Variants in CCDC7 observed in about 807,000 individuals in gnomAD.
CCDC7 encodes the protein coiled-coil domain-containing protein 7.
Under a neutral mutation model 196.9 loss-of-function variants are expected in CCDC7, and 183 were observed. That is an observed-to-expected ratio of 0.93 (90% CI 0.82 to 1.05). The LOEUF (loss-of-function observed/expected upper bound fraction) is 1.05, where lower values mean the gene tolerates loss of function less well. Among genes scored for constraint, CCDC7 ranks in the 50% least tolerant of loss-of-function variants. CCDC7 has a pLI of 0.00. For missense variants in CCDC7, 1,540 were observed against 1,482.2 expected (o/e 1.04, Z -0.64); for synonymous variants, 525 against 484.6 (o/e 1.08, Z -1.10).
At chr10:32,668,668 T>C (rs933686247) in intron 21 of CCDC7, among the ~76,000 whole-genome samples, 1 of 152,140 alleles carries the variant, frequency 6.6e-6, no homozygotes, top group African/African-American at 2.4e-5. Context: ...TATGCTGGAT[T>C]ACATTTATTG....
chr10:32,650,501 T>A (rs2068555019), intron 20 of CCDC7, among the ~76,000 whole-genome samples: 1 of 152,160 alleles, frequency 6.6e-6, no homozygotes, highest in African/African-American at 2.4e-5. Flanking sequence ...TTTGTTGTGG[T>A]GATGGTGGTT....
At chr10:32,812,405 A>G (rs2087358237) in intron 30 of CCDC7, among the ~76,000 whole-genome samples, 1 of 152,104 alleles carries the variant, frequency 6.6e-6, no homozygotes, top group Admixed American at 6.5e-5. Flanking sequence ...AACAACAACT[A>G]TAACCATGTC....
At chr10:32,687,867 A>T (rs1460600669) in intron 22 of CCDC7, among the ~76,000 whole-genome samples, 2 of 152,158 alleles carry the variant, frequency 1.3e-5, no homozygotes, top group Admixed American at 6.5e-5. Flanking sequence ...TTTTGACTCT[A>T]GTGGGGCTGT....
At chr10:32,841,596 A>G (rs1299867333) in intron 33 of CCDC7, among the ~76,000 whole-genome samples, 1 of 152,122 alleles carries the variant, frequency 6.6e-6, no homozygotes, top group Non-Finnish European at 1.5e-5. Flanking sequence ...CATTCTTCAC[A>G]GAACTAGAAA....
chr10:32,808,176 C>T (rs148810816), intron 30 of CCDC7, among the ~76,000 whole-genome samples: 1 of 152,320 alleles, frequency 6.6e-6, no homozygotes, highest in South Asian at 2.1e-4. Context: ...CCTGCCAAAG[C>T]ATGTGCCCAT....
chr10:32,637,385 C>G (rs961437607), intron 20 of CCDC7, among the ~76,000 whole-genome samples: 24 of 152,252 alleles, frequency 1.6e-4, no homozygotes, highest in African/African-American at 5.3e-4. Flanking sequence ...AGTATTTAAT[C>G]CATCTTGAAT....
chr10:32,819,543 T>C (rs2089691744), intron 31 of CCDC7, among the ~76,000 whole-genome samples: 1 of 152,162 alleles, frequency 6.6e-6, no homozygotes, highest in South Asian at 2.1e-4. Context: ...ATATCCCTCA[T>C]GAACATCGAT....
intron 18 of CCDC7, among the ~76,000 whole-genome samples, chr10:32,628,447 G>T (rs1231355288): frequency 6.6e-6 from 1 of 151,758 alleles, no homozygotes; most frequent in East Asian, 1.9e-4. Flanking sequence ...CCATTTCAAA[G>T]AATCAAGTCT....
intron 16 of CCDC7, among the ~76,000 whole-genome samples, chr10:32,575,648 A>G (rs900772181): frequency 4.6e-5 from 7 of 152,208 alleles, no homozygotes; most frequent in Non-Finnish European, 8.8e-5. Flanking sequence ...AGAAGGGAGT[A>G]TGTACTTTGT....
chr10:32,817,581 C>T (rs1052754265), intron 31 of CCDC7, among the ~76,000 whole-genome samples: 4 of 152,148 alleles, frequency 2.6e-5, no homozygotes, highest in African/African-American at 9.7e-5. Context: ...TAAGGGCAGC[C>T]AGAGAGAAAG....
intron 18 of CCDC7, among the ~76,000 whole-genome samples, chr10:32,633,738 A>ATGTGTG (rs151327256): frequency 7.3e-4 from 96 of 130,806 alleles, no homozygotes; most frequent in African/African-American, 2.6e-3. Flanking sequence ...GTGTATATAT[A>ATGTGTG]TGTGTGTGTG....
At chr10:32,675,789 C>T (rs970128304) in intron 21 of CCDC7, 5 of 152,026 alleles carry the variant, frequency 3.3e-5, no homozygotes, top group South Asian at 2.1e-4. Flanking sequence ...GAATCAATAT[C>T]GTGAAAATGG....
Position 32,864,845 on chromosome 10 carries a change from GAAGTA to G in CCDC7, c.4111+10360_4111+10364del, listed in dbSNP as rs535517277. ...AGAGGTAAAAAATGATATCAAAAGA[GAAGTA>G]AAGAAGGGAATGCACTTGCAGTAAC... is the stretch of plus-strand genomic sequence containing the variant. On this transcript the variant is annotated intron_variant, in intron 41 of 41. Coordinates refer to ENST00000639629, the Ensembl canonical transcript of CCDC7. Among the ~76,000 whole-genome samples, 18 of 151,946 alleles carry G rather than the reference GAAGTA, an allele frequency of 1.2e-4. No homozygotes were observed. In the East Asian group the frequency reaches 3.1e-3, roughly 26 times the overall value.
intron 29 of CCDC7, among the ~76,000 whole-genome samples, chr10:32,785,502 A>G (rs2081712594): frequency 6.6e-6 from 1 of 152,200 alleles, no homozygotes; most frequent in Admixed American, 6.5e-5. Context: ...ATGATAGAAA[A>G]TAAGGAAAAC....
intron 30 of CCDC7, among the ~76,000 whole-genome samples, chr10:32,806,377 A>G (rs1038967345): frequency 3.3e-5 from 5 of 152,228 alleles, no homozygotes; most frequent in Non-Finnish European, 7.3e-5. Flanking sequence ...GAAGAAGAGC[A>G]GGCAAAAAAA....
At chr10:32,449,548 A>G (rs2032435687), upstream of CCDC7, among the ~76,000 whole-genome samples, 1 of 151,892 alleles carries the variant, frequency 6.6e-6, no homozygotes. Context: ...GTGAGCTCAT[A>G]TACCCCTGGG....
intron 20 of CCDC7, among the ~76,000 whole-genome samples, chr10:32,648,582 TCAC>T (rs1320960841): frequency 2.0e-5 from 3 of 152,204 alleles, no homozygotes; most frequent in Non-Finnish European, 2.9e-5. Flanking sequence ...CTTTGAAGAA[TCAC>T]CACACTGTCT....
chr10:32,669,962 G>T (rs1463402974), intron 21 of CCDC7, among the ~76,000 whole-genome samples: 2 of 152,086 alleles, frequency 1.3e-5, no homozygotes, highest in Admixed American at 1.3e-4. Flanking sequence ...CGTTTGCTTG[G>T]TGAGCATGGA....
Position 32,728,957 on chromosome 10 carries a change from AG to A in CCDC7, c.2740del (p.Glu914LysfsTer5). ...ATTCAAAGTCAAAACTCCAAATGCA[AG>A]AAAAGAAACAAATAAATTCTGGAGT... On this transcript the variant is annotated frameshift_variant, in exon 27 of 42. Coordinates refer to ENST00000639629, the Ensembl canonical transcript of CCDC7. LOFTEE classifies it high-confidence loss of function. The A allele has an allele frequency of 6.2e-7, 1 of 1,608,102 alleles. No homozygotes were observed. Among genetic ancestry groups the A allele is most frequent in the Non-Finnish European group, 8.5e-7 (1 of 1,175,758 alleles).
Sources: gnomAD v4.1 joint callset for allele counts (sites outside exome capture counted in the v4.1 genomes callset) on GRCh38, gnomAD v4.1.1 for gene constraint, MANE v1.5 for transcripts, NCBI Gene and HGNC (gene_info 2026-07-23, HGNC 2026-07-21) for gene names.